The following PCNX2 variants were observed in gnomAD, a reference collection of about 807,000 sequenced individuals.
PCNX2 encodes the protein pecanex 2.
In PCNX2, 168 loss-of-function variants were observed where a neutral mutation model predicts 223.8. That is an observed-to-expected ratio of 0.75 (90% CI 0.66 to 0.85). The LOEUF (loss-of-function observed/expected upper bound fraction) is 0.85, where lower values mean the gene tolerates loss of function less well. Ranked by LOEUF, PCNX2 falls within the 40% of genes least tolerant of loss-of-function variation. PCNX2 has a pLI of 0.00. For missense variants in PCNX2, 2,507 were observed against 2,675.5 expected (o/e 0.94, Z 1.39); for synonymous variants, 1,006 against 1,052.6 (o/e 0.96, Z 0.86).
At chr1:233,249,997 G>A (rs566897541) in intron 8 of PCNX2, among the ~76,000 whole-genome samples, 1 of 152,300 alleles carries the variant, frequency 6.6e-6, no homozygotes, top group East Asian at 1.9e-4. Flanking sequence ...AGGTTTAGAT[G>A]TGAAGCACAA....
At chr1:233,287,028 G>A (rs1040629813) in intron 1 of PCNX2, among the ~76,000 whole-genome samples, 1 of 152,180 alleles carries the variant, frequency 6.6e-6, no homozygotes, top group South Asian at 2.1e-4. Flanking sequence ...GAAGTCATGG[G>A]CGTTACCCAT....
At chr1:233,032,010 C>T (rs1316115367) in intron 25 of PCNX2, 4 of 984,620 alleles carry the variant, frequency 4.1e-6, no homozygotes, top group African/African-American at 1.7e-5. Flanking sequence ...GCCACAGTGA[C>T]ACATTAACAC....
At chr1:233,120,302 T>G (rs1299387746) in intron 21 of PCNX2, among the ~76,000 whole-genome samples, 1 of 151,672 alleles carries the variant, frequency 6.6e-6, no homozygotes, top group Non-Finnish European at 1.5e-5. Context: ...TGAAGCCAGT[T>G]TACCAAAGAA....
intron 8 of PCNX2, 53 bp downstream of exon 8, chr1:233,250,686 G>A: frequency 6.6e-7 from 1 of 1,525,694 alleles, no homozygotes; most frequent in Non-Finnish European, 8.8e-7. Context: ...CTTCATCGCT[G>A]TGTCTCCCAG....
intron 21 of PCNX2, among the ~76,000 whole-genome samples, chr1:233,133,900 C>A (rs551205707): frequency 6.6e-6 from 1 of 151,830 alleles, no homozygotes; most frequent in Non-Finnish European, 1.5e-5. Flanking sequence ...AAGAAATTCA[C>A]GTGCAATGGT....
upstream of PCNX2, among the ~76,000 whole-genome samples, chr1:233,295,956 C>T (rs12411014): frequency 9.0e-5 from 12 of 133,576 alleles, no homozygotes; most frequent in African/African-American, 2.0e-4. The surrounding 1 kb of genome is among the most constrained non-coding windows in gnomAD (Gnocchi z 4.1). Flanking sequence ...CTTCCTTTCT[C>T]TCTCTCTCTC....
intron 2 of PCNX2, 129 bp downstream of exon 2, chr1:233,262,829 A>T (rs1221783762): frequency 2.4e-6 from 2 of 829,970 alleles, no homozygotes; most frequent in African/African-American, 1.7e-5. Flanking sequence ...GTATATGCTG[A>T]AATATAAGAA....
At chr1:233,019,262 C>G in intron 26 of PCNX2, 1 of 930,036 alleles carries the variant, frequency 1.1e-6, no homozygotes, top group Non-Finnish European at 1.3e-6. Flanking sequence ...CCTTCTATTA[C>G]GCTCCACAGT....
rs771716467 is a variant in PCNX2 at position 232,986,483 on chromosome 1, G to A, written c.5849C>T (p.Pro1950Leu). The A allele has an allele frequency of 1.9e-6, 3 of 1,593,602 alleles. No homozygotes were observed. Among genetic ancestry groups the A allele is most frequent in the African/African-American group, 1.3e-5 (1 of 74,604 alleles). Reference protein sequence around the residue: ...VQAHSALSQRPPMLSSSGPIL... With the variant: ...VQAHSALSQRLPMLSSSGPIL... ...GGGGCCAGATGAGCTCAGCATGGGC[G>A]GCCTTTGGCTTAGCGCTGAGTGTGC... Residue 1950 changes from proline to leucine, a missense_variant, in exon 33 of 34, where the codon CCG becomes CTG. Transcript: ENST00000258229.
At chr1:233,059,641 T>C (rs925289422) in intron 23 of PCNX2, among the ~76,000 whole-genome samples, 3 of 152,236 alleles carry the variant, frequency 2.0e-5, no homozygotes, top group African/African-American at 7.2e-5. Flanking sequence ...TGCTCACAAC[T>C]GGCACATAGT....
intron 19 of PCNX2, among the ~76,000 whole-genome samples, chr1:233,149,164 T>G (rs533107354): frequency 1.1e-3 from 168 of 152,368 alleles, no homozygotes; most frequent in Non-Finnish European, 1.7e-3. Context: ...TTCTCTTTTC[T>G]CTGGAATATT....
At chr1:233,006,008 C>T (rs893792393) in intron 28 of PCNX2, among the ~76,000 whole-genome samples, 1 of 152,050 alleles carries the variant, frequency 6.6e-6, no homozygotes, top group African/African-American at 2.4e-5. Context: ...TGGGATTCCA[C>T]AGGGGCAGAG....
intron 1 of PCNX2, among the ~76,000 whole-genome samples, chr1:233,292,235 T>C (rs1294325): frequency 0.44 from 60,961 of 137,798 alleles, 15,237 homozygotes; most frequent in African/African-American, 0.68. Context: ...GAGATGGAGT[T>C]TTGCTCTGTC....
chr1:233,296,282 G>A (rs866356123), upstream of PCNX2, among the ~76,000 whole-genome samples: 9 of 152,276 alleles, frequency 5.9e-5, no homozygotes, highest in Middle Eastern at 3.4e-3. Flanking sequence ...CTCTGCCACT[G>A]ATCTTCTGTC....
rs1317917718 is a variant in PCNX2 at position 233,230,585 on chromosome 1, C to G, written c.2359-3214G>C. Among the ~76,000 whole-genome samples, 3 of 152,218 alleles carry G rather than the reference C, an allele frequency of 2.0e-5. No individual in the cohort carries two copies. In the East Asian group the frequency reaches 5.8e-4, roughly 29 times the overall value. Reference sequence around the variant, plus strand: ...AACTCTCCAAGAAAGCAAATTTTACCATCTCTCCATTGCCCAGTAAGTTGG... The same window carrying G: ...AACTCTCCAAGAAAGCAAATTTTACGATCTCTCCATTGCCCAGTAAGTTGG... On this transcript the variant is annotated intron_variant, in intron 9 of 33. Coordinates refer to ENST00000258229, the MANE Select transcript of PCNX2 (RefSeq NM_014801.4).
At chr1:233,185,998 T>C (rs1680074952) in intron 15 of PCNX2, among the ~76,000 whole-genome samples, 1 of 152,192 alleles carries the variant, frequency 6.6e-6, no homozygotes, top group African/African-American at 2.4e-5. Flanking sequence ...CGAGAATGCA[T>C]AGGGCAGTCC....
chr1:233,326,679 T>C, the PCNX2 span, among the ~76,000 whole-genome samples: 1 of 152,236 alleles, frequency 6.6e-6, no homozygotes, highest in Non-Finnish European at 1.5e-5. Flanking sequence ...ATCCTCATAA[T>C]ATCTAAAATT....
At chr1:233,169,438 A>G (rs949036932) in intron 17 of PCNX2, among the ~76,000 whole-genome samples, 3 of 151,846 alleles carry the variant, frequency 2.0e-5, no homozygotes, top group African/African-American at 7.3e-5. Flanking sequence ...CGAGGTCAGG[A>G]GATCGAGACC....
At chr1:233,142,402 C>G (rs1349058304) in intron 19 of PCNX2, among the ~76,000 whole-genome samples, 2 of 152,186 alleles carry the variant, frequency 1.3e-5, no homozygotes, top group Non-Finnish European at 2.9e-5. Flanking sequence ...ATACTCATAT[C>G]TACTACTGGC....
Sources: gnomAD v4.1 joint callset for allele counts (sites outside exome capture counted in the v4.1 genomes callset) on GRCh38, gnomAD v4.1.1 for gene constraint, Gnocchi (gnomAD v3.1) non-coding constraint, MANE v1.5 for transcripts, NCBI Gene and HGNC (gene_info 2026-07-23, HGNC 2026-07-21) for gene names.